The following RHOBTB3 variants were observed in gnomAD, a reference collection of about 807,000 sequenced individuals.
The protein encoded by RHOBTB3 is rho-related BTB domain-containing protein 3.
Under a neutral mutation model 67.2 loss-of-function variants are expected in RHOBTB3, and 47 were observed. The observed-to-expected ratio is 0.70, with a 90% confidence interval of 0.55 to 0.89. RHOBTB3 has a LOEUF of 0.89. Among genes scored for constraint, RHOBTB3 ranks in the 40% least tolerant of loss-of-function variants. The pLI is 0.00. For missense variants in RHOBTB3, 631 were observed against 750.0 expected (o/e 0.84, Z 1.85); for synonymous variants, 273 against 274.2 (o/e 1.00, Z 0.04).
chr5:95,772,529 G>A (rs1038368973), intron 8 of RHOBTB3, among the ~76,000 whole-genome samples: 1 of 151,970 alleles, frequency 6.6e-6, no homozygotes, highest in African/African-American at 2.4e-5. Context: ...AGTTTCGGAT[G>A]TTCCCAAACC....
In RHOBTB3 at chr5:95,763,636, G is replaced by T; in HGVS notation, c.1161+16G>T. The T allele has an allele frequency of 6.9e-7, 1 of 1,456,840 alleles. No individual in the cohort carries two copies. Among genetic ancestry groups the T allele is most frequent in the Non-Finnish European group, 9.6e-7 (1 of 1,038,096 alleles). 90.2% of individuals were successfully genotyped at this position (1,456,840 alleles called of 1,614,324 possible). A position where few individuals can be genotyped will look rare whatever the true frequency, so the allele number is the denominator to read the frequency against. ...ACCAGGAAAGGTAAGTTGATTTGTT[G>T]TAAGTTAGTTTACTTTGACCCTCTG... is the stretch of plus-strand genomic sequence containing the variant. On this transcript the variant is annotated intron_variant, in intron 7 of 11. Transcript: ENST00000379982.
chr5:95,770,718 G>A (rs1745682770), intron 8 of RHOBTB3: 1 of 432,786 alleles, frequency 2.3e-6, no homozygotes, highest in Non-Finnish European at 4.7e-6. Context: ...CCTAGAATAG[G>A]GCTTGACATT....
intron 10 of RHOBTB3, among the ~76,000 whole-genome samples, chr5:95,784,274 G>T (rs969045637): frequency 2.0e-5 from 3 of 152,172 alleles, no homozygotes; most frequent in Non-Finnish European, 4.4e-5. Flanking sequence ...GTAGGAAATA[G>T]AATTTATGTT....
At chr5:95,764,691 T>C (rs1016454317) in intron 7 of RHOBTB3, among the ~76,000 whole-genome samples, 1 of 152,192 alleles carries the variant, frequency 6.6e-6, no homozygotes, top group Non-Finnish European at 1.5e-5. Flanking sequence ...AGAAAAATGA[T>C]GATTCCTTTA....
At chr5:95,765,400 G>A (rs187501339) in intron 7 of RHOBTB3, among the ~76,000 whole-genome samples, 24 of 152,274 alleles carry the variant, frequency 1.6e-4, no homozygotes, top group African/African-American at 5.5e-4. Flanking sequence ...ATGGTATTGC[G>A]CTGAATTCCC....
intron 8 of RHOBTB3, among the ~76,000 whole-genome samples, chr5:95,778,005 A>G (rs1188233067): frequency 6.6e-6 from 1 of 152,090 alleles, no homozygotes; most frequent in African/African-American, 2.4e-5. Flanking sequence ...CTCTAATCTC[A>G]GCTACTCGGG....
rs557667344 is a variant in RHOBTB3, at chr5:95,757,383, A to G, written c.1048+1622A>G. Among the ~76,000 whole-genome samples, 348 of 152,328 alleles carry G rather than the reference A, an allele frequency of 2.3e-3. 1 individual carries two copies. The highest frequency in any genetic ancestry group is 3.7e-3 in the Non-Finnish European group (254 of 68,028). On this transcript the variant is annotated intron_variant, in intron 6 of 11. Transcript: ENST00000379982. ...TACCCACTTCAAATCATGTAGCGAT[A>G]ACCTGTTAGGCTAAGGTCACTCCTG...
intron 5 of RHOBTB3, among the ~76,000 whole-genome samples, chr5:95,753,698 G>A (rs1294248814): frequency 1.3e-5 from 2 of 152,178 alleles, no homozygotes; most frequent in African/African-American, 4.8e-5. Context: ...TAGAAAATGG[G>A]TGGGAAATGA....
intron 3 of RHOBTB3, among the ~76,000 whole-genome samples, chr5:95,746,222 T>C (rs1744911933): frequency 2.0e-5 from 3 of 152,214 alleles, no homozygotes; most frequent in Admixed American, 1.3e-4. Flanking sequence ...AAATTAGTTG[T>C]ATTTTCTCCC....
intron 9 of RHOBTB3, chr5:95,781,583 T>C (rs971967210): frequency 6.6e-6 from 1 of 152,274 alleles, no homozygotes; most frequent in Non-Finnish European, 1.5e-5. Flanking sequence ...CCAGGTGCCG[T>C]AGCTCATGCC....
intron 1 of RHOBTB3, among the ~76,000 whole-genome samples, chr5:95,722,975 C>T (rs2112749393): frequency 6.6e-6 from 1 of 152,256 alleles, no homozygotes; most frequent in South Asian, 2.1e-4. Context: ...GTTTTAAAAA[C>T]ATCACTGAGC....
chr5:95,723,995 A>T (rs1289840829), intron 1 of RHOBTB3, among the ~76,000 whole-genome samples: 1 of 152,240 alleles, frequency 6.6e-6, no homozygotes, highest in Non-Finnish European at 1.5e-5. Context: ...TAAAGATCAA[A>T]TCAATCATAG....
At chr5:95,765,805 G>T (rs1745527697) in intron 7 of RHOBTB3, among the ~76,000 whole-genome samples, 1 of 152,168 alleles carries the variant, frequency 6.6e-6, no homozygotes. Flanking sequence ...GGGACTACAG[G>T]CGCCCGCCAC....
At chr5:95,760,664 C>G (rs1342079182) in intron 6 of RHOBTB3, among the ~76,000 whole-genome samples, 1 of 152,172 alleles carries the variant, frequency 6.6e-6, no homozygotes, top group African/African-American at 2.4e-5. Context: ...AAGAAGTTAA[C>G]TAAAGAAAAT....
intron 8 of RHOBTB3, among the ~76,000 whole-genome samples, chr5:95,768,802 C>T (rs1745622104): frequency 1.3e-5 from 2 of 152,200 alleles, no homozygotes; most frequent in Non-Finnish European, 2.9e-5. Context: ...TTATTGATCA[C>T]TGGCTTGGAT....
At chr5:95,758,860 A>G (rs1008253826) in intron 6 of RHOBTB3, among the ~76,000 whole-genome samples, 3 of 152,228 alleles carry the variant, frequency 2.0e-5, no homozygotes, top group Non-Finnish European at 4.4e-5. Flanking sequence ...AGCAGCTGGA[A>G]TACCTGCTTT....
At position 95,748,455 on chromosome 5, in the gene RHOBTB3, G is replaced by T; in HGVS notation, c.538G>T (p.Asp180Tyr). ...ATYLELHSLD[D>Y]FYIGKYFGGV... ...CTATCTTGAACTCCACAGCCTTGAT[G>T]ACTTCTACATAGGAAAGTATTTTGG... The change falls in exon 4 of 12, where the codon GAC becomes TAC. Residue 180 changes from aspartate to tyrosine, a missense_variant. By Grantham distance (160) the Asp-to-Tyr change is radical. Transcript: ENST00000379982. The T allele has an allele frequency of 6.2e-7, 1 of 1,613,252 alleles. No homozygotes were observed. Among genetic ancestry groups the T allele is most frequent in the South Asian group, 1.1e-5 (1 of 90,930 alleles).
At chr5:95,723,952 A>G (rs1754972193) in intron 1 of RHOBTB3, among the ~76,000 whole-genome samples, 1 of 152,256 alleles carries the variant, frequency 6.6e-6, no homozygotes, top group Non-Finnish European at 1.5e-5. Flanking sequence ...AGAATACAAT[A>G]AAACACAAAC....
At chr5:95,726,888 C>T (rs1054995241), upstream of RHOBTB3, among the ~76,000 whole-genome samples, 2 of 152,196 alleles carry the variant, frequency 1.3e-5, no homozygotes, top group Non-Finnish European at 2.9e-5. Context: ...CTTGTATCTG[C>T]CCACTTACTG....
Sources: allele counts gnomAD v4.1 joint callset (sites outside exome capture counted in the v4.1 genomes callset), GRCh38; gene constraint gnomAD v4.1.1; transcripts MANE v1.5; gene names NCBI Gene and HGNC (gene_info 2026-07-23, HGNC 2026-07-21).